The following MAP3K3 variants were observed in gnomAD, a reference collection of about 807,000 sequenced individuals.
MAP3K3 encodes the protein MAP/ERK kinase kinase 3.
A neutral mutation model predicts 80.9 loss-of-function variants in MAP3K3; 12 were observed. That is an observed-to-expected ratio of 0.15 (90% confidence interval 0.10 to 0.24). The LOEUF is 0.24. MAP3K3 is among the 10% of genes least tolerant of loss of function. The pLI is 1.00. For missense variants in MAP3K3, 596 were observed against 834.7 expected (o/e 0.71, Z 3.52); for synonymous variants, 272 against 307.1 (o/e 0.89, Z 1.19).
chr17:63,643,243 G>A (rs1172692422), intron 2 of MAP3K3, among the ~76,000 whole-genome samples: 2 of 151,942 alleles, frequency 1.3e-5, no homozygotes, highest in African/African-American at 4.8e-5. Context: ...GGTGGCTCAT[G>A]CCTGTAATCC....
intron 8 of MAP3K3, among the ~76,000 whole-genome samples, chr17:63,685,856 T>A (rs1170670428): frequency 6.6e-6 from 1 of 152,276 alleles, no homozygotes. Context: ...CCATATAATA[T>A]ATGCCGCTCT....
Position 63,644,467 on chromosome 17 carries a change from C to T in MAP3K3, c.127-1567C>T, listed in dbSNP as rs145779625. On this transcript the variant is annotated intron_variant, in intron 2 of 15. Transcript: ENST00000361733. ...CTGACCTCCAGTGATCTGCCCGCCTCGGCCTCCCAAGGGGCTGGGATTACA... is the reference window on the plus strand; with the variant it reads ...CTGACCTCCAGTGATCTGCCCGCCTTGGCCTCCCAAGGGGCTGGGATTACA... Among the ~76,000 whole-genome samples, 199 of 152,322 alleles carry T rather than the reference C, an allele frequency of 1.3e-3. 2 individuals carry two copies. Among genetic ancestry groups the T allele is most frequent in the African/African-American group, 4.6e-3 (191 of 41,562 alleles).
intron 2 of MAP3K3, chr17:63,634,654 A>G: frequency 7.0e-7 from 1 of 1,435,176 alleles, no homozygotes; most frequent in Non-Finnish European, 9.7e-7. Flanking sequence ...ATGTTGTCAA[A>G]CTTATGTTGC....
chr17:63,626,524 A>G (rs2034105818), intron 1 of MAP3K3, among the ~76,000 whole-genome samples: 1 of 152,252 alleles, frequency 6.6e-6, no homozygotes, highest in South Asian at 2.1e-4. Context: ...AAGAATTTGA[A>G]CCATCAATTA....
chr17:63,627,783 C>T (rs2034132286), intron 1 of MAP3K3, among the ~76,000 whole-genome samples: 2 of 152,004 alleles, frequency 1.3e-5, no homozygotes, highest in Non-Finnish European at 2.9e-5. Context: ...GGGGTTTTGC[C>T]ATGTTGCCCA....
At position 63,674,312 on chromosome 17, in the gene MAP3K3, C is replaced by T. The variant is rs141840958; in HGVS notation, c.502+7252C>T. 2.8e-3 allele frequency among the ~76,000 whole-genome samples: 431 copies of T among 152,224 alleles called. 3 individuals are homozygous for T. Among genetic ancestry groups the T allele is most frequent in the African/African-American group, 8.7e-3 (362 of 41,522 alleles). On this transcript the variant is annotated intron_variant, in intron 6 of 15. Transcript: ENST00000361733. ...AGTTGCAGTGGTGCGTACCTGTAAT[C>T]CCAGCACTTTGGGAGGCCAAGGTGG... is the stretch of plus-strand genomic sequence containing the variant.
intron 1 of MAP3K3, among the ~76,000 whole-genome samples, chr17:63,626,643 G>A (rs1247637379): frequency 6.6e-6 from 1 of 152,204 alleles, no homozygotes; most frequent in Non-Finnish European, 1.5e-5. Context: ...TATGAATTGA[G>A]GGTCTGGCCT....
chr17:63,688,907 G>A, intron 10 of MAP3K3, 26 bp downstream of exon 10: 1 of 1,566,416 alleles, frequency 6.4e-7, no homozygotes, highest in Non-Finnish European at 8.8e-7. Flanking sequence ...CCTGCTCCCT[G>A]CTGGCTGCCT....
At chr17:63,662,461 A>T (rs1350396134) in intron 5 of MAP3K3, among the ~76,000 whole-genome samples, 1 of 151,906 alleles carries the variant, frequency 6.6e-6, no homozygotes. Flanking sequence ...AAGTGTTTTT[A>T]TCTTTCACTT....
intron 6 of MAP3K3, among the ~76,000 whole-genome samples, chr17:63,679,391 G>T (rs1489937847): frequency 6.6e-6 from 1 of 152,132 alleles, no homozygotes; most frequent in Non-Finnish European, 1.5e-5. Flanking sequence ...CCCTGGACTG[G>T]GCTCTTGAGC....
chr17:63,660,504 T>C (rs1001594601), intron 5 of MAP3K3, among the ~76,000 whole-genome samples: 5 of 151,394 alleles, frequency 3.3e-5, no homozygotes, highest in South Asian at 2.1e-4. Context: ...TGAGCCACCA[T>C]ACCTGGCTGT....
intron 5 of MAP3K3, among the ~76,000 whole-genome samples, chr17:63,663,602 C>T (rs961782386): frequency 2.6e-5 from 4 of 152,230 alleles, no homozygotes; most frequent in South Asian, 2.1e-4. Flanking sequence ...AATGAAGACA[C>T]GGATTTATTC....
At chr17:63,640,666 A>G (rs969539253) in intron 2 of MAP3K3, among the ~76,000 whole-genome samples, 2 of 152,224 alleles carry the variant, frequency 1.3e-5, no homozygotes, top group African/African-American at 2.4e-5. Flanking sequence ...GATAAAAAGC[A>G]TGTACTCTGT....
chr17:63,674,464 CG>C (rs2035175933), intron 6 of MAP3K3, among the ~76,000 whole-genome samples: 1 of 152,114 alleles, frequency 6.6e-6, no homozygotes, highest in East Asian at 1.9e-4. Context: ...CACCGATCCT[CG>C]CCTCAGCCTC....
intron 3 of MAP3K3, among the ~76,000 whole-genome samples, chr17:63,649,758 C>G (rs2034613180): frequency 6.6e-6 from 1 of 152,178 alleles, no homozygotes; most frequent in South Asian, 2.1e-4. Flanking sequence ...TCATATGTGG[C>G]TAATGGCTGC....
At chr17:63,677,607 C>G (rs1247391597) in intron 6 of MAP3K3, among the ~76,000 whole-genome samples, 2 of 152,172 alleles carry the variant, frequency 1.3e-5, no homozygotes, top group Non-Finnish European at 1.5e-5. Flanking sequence ...AAACCTCCAT[C>G]TTGTCTTTGC....
chr17:63,632,580 T>C (rs1242650335), intron 1 of MAP3K3, 101 bp from the exon 2 acceptor site: 2 of 1,377,210 alleles, frequency 1.5e-6, no homozygotes, highest in Non-Finnish European at 2.0e-6. Flanking sequence ...TCTGTCATTT[T>C]ACCTGGGCAG....
chr17:63,673,196 C>G (rs2035145753), intron 6 of MAP3K3, among the ~76,000 whole-genome samples: 1 of 152,180 alleles, frequency 6.6e-6, no homozygotes, highest in African/African-American at 2.4e-5. Flanking sequence ...TCAGCTTTCT[C>G]TCACTTTACC....
In MAP3K3 at chr17:63,694,151, G is replaced by A. The variant is rs1197535181; in HGVS notation, c.*374G>A. ...CAAGACTGACGCCAGGGTATGAAGA[G>A]TGTTATTTTCATTCAAAGTGTTATT... On this transcript the variant is annotated 3_prime_UTR_variant, in exon 16 of 16. Coordinates refer to ENST00000361733, the MANE Select transcript of MAP3K3 (RefSeq NM_002401.5). The A allele has an allele frequency of 5.3e-6, 1 of 186,992 alleles. No homozygotes were observed. The highest frequency in any genetic ancestry group is 1.1e-5 in the Non-Finnish European group (1 of 90,760). The allele number at this position is 186,992 out of a possible 1,614,324, so 11.6% of individuals were successfully genotyped here.
Sources: gnomAD v4.1 joint callset for allele counts (sites outside exome capture counted in the v4.1 genomes callset) on GRCh38, gnomAD v4.1.1 for gene constraint, MANE v1.5 for transcripts, NCBI Gene and HGNC (gene_info 2026-07-23, HGNC 2026-07-21) for gene names.